The following OPRM1 variants were observed in gnomAD, a reference collection of about 807,000 sequenced individuals.
OPRM1 encodes mu-type opioid receptor.
In OPRM1, 27 loss-of-function variants were observed where a neutral mutation model predicts 31.8. The observed-to-expected ratio is 0.85, with a 90% CI of 0.63 to 1.17. The LOEUF (loss-of-function observed/expected upper bound fraction) is 1.17, where lower values mean the gene tolerates loss of function less well. Among genes scored for constraint, OPRM1 ranks in the 50% most tolerant of loss-of-function variants. OPRM1 has a pLI of 0.00. For missense variants in OPRM1, 536 were observed against 511.1 expected (o/e 1.05, Z -0.47); for synonymous variants, 196 against 189.9 (o/e 1.03, Z -0.26).
chr6:154,129,851 AGC>A lies in OPRM1; in HGVS notation c.*11131_*11132del, dbSNP rs1797789852. Among the ~76,000 whole-genome samples, 1 of 99,838 alleles carries A rather than the reference AGC, an allele frequency of 1.0e-5. No individual in the cohort carries two copies. The highest frequency in any genetic ancestry group is 5.1e-5 in the African/African-American group (1 of 19,664). 65.5% of individuals were successfully genotyped at this position (99,838 alleles called of 152,430 possible). ...TTTACCACCGACACCCTCCCCCCCC[AGC>A]ACACACACACACACACACACACACA... On this transcript the variant is annotated 3_prime_UTR_variant, in exon 4 of 4. Transcript: ENST00000330432.
intron 1 of OPRM1, among the ~76,000 whole-genome samples, chr6:154,059,790 C>G (rs979293944): frequency 1.3e-5 from 2 of 152,064 alleles, no homozygotes; most frequent in East Asian, 3.9e-4. Flanking sequence ...TTATTTCAGC[C>G]CTTTGTGTCT....
chr6:154,201,000 TAGTG>T (rs1310795103), intron 3 of OPRM1, among the ~76,000 whole-genome samples: 1 of 152,180 alleles, frequency 6.6e-6, no homozygotes, highest in Non-Finnish European at 1.5e-5. Context: ...GTTCTCATGA[TAGTG>T]AGTGAGTTCT....
intron 3 of OPRM1, among the ~76,000 whole-genome samples, chr6:154,223,524 G>A (rs1490009861): frequency 1.3e-5 from 2 of 148,838 alleles, no homozygotes; most frequent in Non-Finnish European, 3.0e-5. Flanking sequence ...TGTCTCCACC[G>A]GCCTCCTGTC....
chr6:154,058,226 G>A (rs1307430001), intron 1 of OPRM1, among the ~76,000 whole-genome samples: 1 of 152,014 alleles, frequency 6.6e-6, no homozygotes. Flanking sequence ...TGTATATAAA[G>A]ATATATGCCT....
intron 1 of OPRM1, among the ~76,000 whole-genome samples, chr6:154,056,626 ACT>A (rs1414135442): frequency 2.0e-5 from 3 of 151,518 alleles, no homozygotes; most frequent in African/African-American, 7.3e-5. Context: ...GAAAACTAAG[ACT>A]CTTCCAAGTA....
intron 3 of OPRM1, among the ~76,000 whole-genome samples, chr6:154,095,811 T>C (rs1449194743): frequency 1.3e-5 from 2 of 152,196 alleles, no homozygotes; most frequent in South Asian, 4.1e-4. Flanking sequence ...TTAGGTAGAC[T>C]AAGGCATAGG....
In OPRM1 at chr6:154,168,151, C is replaced by T. The variant is rs1799582409; in HGVS notation, c.1164+76679C>T. The stretch of plus-strand genomic sequence containing the variant: ...AAAAAAGAAAGCAGTAACAATAAAC[C>T]CAGTGAAAAATCAAGGAGAGAACAT... On this transcript the variant is annotated intron_variant, in intron 3 of 3. Coordinates refer to the OPRM1 transcript ENST00000337049. This position sits in a 1 kb window ranked among gnomAD's most constrained non-coding sequence, Gnocchi z 4.1. The T allele has an allele frequency of 6.8e-7, 1 of 1,467,344 alleles. No individual in the cohort carries two copies. Among genetic ancestry groups the T allele is most frequent in the South Asian group, 1.4e-5 (1 of 71,536 alleles). The allele number at this position is 1,467,344 out of a possible 1,614,324, so 90.9% of individuals were successfully genotyped here.
At position 154,118,910 on chromosome 6, in the gene OPRM1, A is replaced by C; in HGVS notation, c.*189A>C. 1 of 1,402,938 alleles carries C rather than the reference A, an allele frequency of 7.1e-7. No individual in the cohort carries two copies. 86.9% of individuals were successfully genotyped at this position (1,402,938 alleles called of 1,614,324 possible). A position where few individuals can be genotyped will look rare whatever the true frequency, so the allele number is the denominator to read the frequency against. On this transcript the variant is annotated 3_prime_UTR_variant, in exon 4 of 4. Transcript: ENST00000330432. ...AGGGACAGCCAAAAGTAAGTGGAGC[A>C]TTTGGAAGGAAAGGAATATACCACA...
chr6:154,045,236 ATAAAT>A (rs1780892738), intron 1 of OPRM1, among the ~76,000 whole-genome samples: 1 of 152,122 alleles, frequency 6.6e-6, no homozygotes, highest in African/African-American at 2.4e-5. Context: ...AACAAAAAAA[ATAAAT>A]TAAAAAAAAA....
chr6:154,224,572 A>G (rs993076639), intron 3 of OPRM1, among the ~76,000 whole-genome samples: 1 of 152,100 alleles, frequency 6.6e-6, no homozygotes, highest in African/African-American at 2.4e-5. Flanking sequence ...TTAGCTGGTC[A>G]TGGTGGTGGG....
At chr6:154,181,152 A>G (rs113096103) in intron 3 of OPRM1, among the ~76,000 whole-genome samples, 185 of 152,288 alleles carry the variant, frequency 1.2e-3, no homozygotes, top group African/African-American at 4.2e-3. Flanking sequence ...AAAGATTTGA[A>G]ATCATAATGA....
intron 1 of OPRM1, chr6:154,087,083 T>G: frequency 1.0e-5 from 10 of 984,986 alleles, no homozygotes; most frequent in Non-Finnish European, 1.2e-5. Context: ...TGGCTCTATC[T>G]TTTTCTTTAA....
chr6:154,148,356 T>A (rs1332172101), intron 3 of OPRM1, among the ~76,000 whole-genome samples: 2 of 152,226 alleles, frequency 1.3e-5, no homozygotes. Flanking sequence ...GTCCAAAACA[T>A]GATACCTTAT....
At chr6:154,155,497 A>G (rs547474777) in intron 3 of OPRM1, 1 of 152,312 alleles carries the variant, frequency 6.6e-6, no homozygotes, top group African/African-American at 2.4e-5. Context: ...ATGTGGCTAT[A>G]TCAAAATACT....
intron 1 of OPRM1, among the ~76,000 whole-genome samples, chr6:154,014,200 G>C (rs919225997): frequency 6.6e-6 from 1 of 152,192 alleles, no homozygotes; most frequent in African/African-American, 2.4e-5. Flanking sequence ...CCATAAGGCA[G>C]TATGGAAGAA....
At chr6:154,093,330 C>A (rs2128490366) in intron 3 of OPRM1, 1 of 1,613,934 alleles carries the variant, frequency 6.2e-7, no homozygotes, top group East Asian at 2.2e-5. Flanking sequence ...GGTTGTGTAC[C>A]CTGGACCACT....
chr6:154,153,994 T>G (rs1027342209), intron 3 of OPRM1, among the ~76,000 whole-genome samples: 19 of 152,368 alleles, frequency 1.2e-4, no homozygotes, highest in African/African-American at 4.6e-4. Flanking sequence ...CTTTTACTAA[T>G]ACCTTTGGTC....
intron 3 of OPRM1, among the ~76,000 whole-genome samples, chr6:154,171,427 G>A (rs1394284830): frequency 6.6e-6 from 1 of 152,066 alleles, no homozygotes; most frequent in African/African-American, 2.4e-5. Flanking sequence ...TGAACCCACA[G>A]AGACAGAAAC....
At chr6:154,141,219 A>G (rs1798198473) in intron 3 of OPRM1, among the ~76,000 whole-genome samples, 3 of 152,232 alleles carry the variant, frequency 2.0e-5, no homozygotes, top group Non-Finnish European at 4.4e-5. Flanking sequence ...CCTGATGCTC[A>G]GTACATGGGC....
Sources: gnomAD v4.1 joint callset for allele counts (sites outside exome capture counted in the v4.1 genomes callset) on GRCh38, gnomAD v4.1.1 for gene constraint, Gnocchi (gnomAD v3.1) non-coding constraint, MANE v1.5 for transcripts, NCBI Gene and HGNC (gene_info 2026-07-23, HGNC 2026-07-21) for gene names.